Variants in TTC17 observed in about 807,000 individuals in gnomAD.
TTC17 encodes tetratricopeptide repeat protein 17.
Under a neutral mutation model 143.8 loss-of-function variants are expected in TTC17, and 58 were observed. That is an observed-to-expected ratio of 0.40 (90% CI 0.33 to 0.50). The LOEUF (loss-of-function observed/expected upper bound fraction) is 0.50. TTC17 is among the 20% of genes least tolerant of loss of function. The probability of loss-of-function intolerance (pLI) is 0.49; values close to 1 mark genes in which losing one functional copy is unlikely to be tolerated. For missense variants in TTC17, 1,273 were observed against 1,392.5 expected (o/e 0.91, Z 1.37); for synonymous variants, 501 against 497.8 (o/e 1.01, Z -0.09).
chr11:43,401,350 G>T, intron 9 of TTC17, 96 bp from the exon 10 acceptor site: 1 of 732,638 alleles, frequency 1.4e-6, no homozygotes, highest in Non-Finnish European at 2.3e-6. Flanking sequence ...AGGCTCTGAG[G>T]GATACAGGGT....
rs371028219 is a variant in TTC17 at position 43,443,595 on chromosome 11, C to T, written c.2511+11C>T. On this transcript the variant is annotated intron_variant, in intron 17 of 23. Transcript: ENST00000039989. ...GAAGCAACAGAATGGGTAAGTTTGC[C>T]AACTTAATTCTCACAAAATTGTAGC... 637 of 1,596,156 alleles carry T rather than the reference C, an allele frequency of 4.0e-4. 2 individuals carry two copies. Among genetic ancestry groups the T allele is most frequent in the Middle Eastern group, 1.5e-3 (9 of 5,904 alleles).
At chr11:43,361,274 T>G (rs1044226453) in intron 1 of TTC17, among the ~76,000 whole-genome samples, 1 of 152,228 alleles carries the variant, frequency 6.6e-6, no homozygotes, top group Non-Finnish European at 1.5e-5. Context: ...AAAGATCACA[T>G]TAGTGTATGA....
chr11:43,408,316 T>C (rs1347229050), intron 15 of TTC17, among the ~76,000 whole-genome samples: 1 of 152,216 alleles, frequency 6.6e-6, no homozygotes, highest in Non-Finnish European at 1.5e-5. Context: ...GAAAACTGAT[T>C]TTTTAAGGAT....
chr11:43,391,571 T>G lies in TTC17; in HGVS notation c.526T>G (p.Leu176Val). 1 of 1,561,490 alleles carries G rather than the reference T, an allele frequency of 6.4e-7. No individual in the cohort carries two copies. The highest frequency in any genetic ancestry group is 8.6e-7 in the Non-Finnish European group (1 of 1,160,712). ...ATATAGTATACATGCTTTTCAGCAC[T>G]TGAGAGTAAGTAGAGAACTTTAGGA... The part of the protein sequence containing the change: ...LPYSIHAFQH[L>V]RGVQERVNLS... The change falls in exon 4 of 24, where the codon TTG (leucine) becomes GTG (valine). Residue 176 changes from leucine to valine, a missense_variant. Physicochemically the swap from Leu to Val is conservative, Grantham distance 32. Coordinates refer to ENST00000039989, the MANE Select transcript of TTC17 (RefSeq NM_018259.6).
At chr11:43,359,203 G>A (rs1855989106) in intron 1 of TTC17, 90 bp downstream of exon 1, 8 of 1,418,532 alleles carry the variant, frequency 5.6e-6, no homozygotes, top group Non-Finnish European at 7.4e-6. Context: ...GCTCCGCGCG[G>A]CCCCGCCCCC....
At chr11:43,407,281 C>T in intron 14 of TTC17, 66 bp downstream of exon 14, 1 of 1,561,126 alleles carries the variant, frequency 6.4e-7, no homozygotes, top group East Asian at 2.3e-5. Flanking sequence ...AGTTAAAATG[C>T]ACTTATTAAA....
rs938960147 is a variant in TTC17, at chr11:43,403,871, T to C, written c.1333-127T>C. On this transcript the variant is annotated intron_variant, in intron 10 of 23. Transcript: ENST00000039989. ...GTTCTTAAAAGATCCAATTGCTTTA[T>C]TACTGAGCTACTTTCTGATTTTCTA... 4.1e-6 allele frequency: 3 copies of C among 739,656 alleles called. No individual in the cohort carries two copies. In the East Asian group the frequency reaches 8.5e-5, roughly 21 times the overall value. The allele number at this position is 739,656 out of a possible 1,614,324, so 45.8% of individuals were successfully genotyped here.
At chr11:43,445,735 C>A (rs141544954) in intron 18 of TTC17, among the ~76,000 whole-genome samples, 2 of 152,304 alleles carry the variant, frequency 1.3e-5, no homozygotes, top group African/African-American at 4.8e-5. Flanking sequence ...GATTCAAAAA[C>A]CCAATTTTCA....
At chr11:43,408,982 A>G (rs1480490079) in intron 15 of TTC17, among the ~76,000 whole-genome samples, 2 of 151,870 alleles carry the variant, frequency 1.3e-5, no homozygotes, top group Non-Finnish European at 2.9e-5. Context: ...AGCTCAAGCA[A>G]TCCTCCCATC....
At chr11:43,454,130 T>C (rs1172531349) in intron 21 of TTC17, among the ~76,000 whole-genome samples, 1 of 152,190 alleles carries the variant, frequency 6.6e-6, no homozygotes, top group East Asian at 1.9e-4. Flanking sequence ...TAGGAGAATA[T>C]ATGAAAGGTA....
chr11:43,362,185 G>GTGTGTGTT (rs1554981576), intron 1 of TTC17, among the ~76,000 whole-genome samples: 1 of 142,612 alleles, frequency 7.0e-6, no homozygotes. Context: ...GTGTGTGTGT[G>GTGTGTGTT]TGTGTGTGTA....
Position 43,391,490 on chromosome 11 carries a change from TCTC to T in TTC17, c.448_450del (p.Pro150del). 1 of 1,606,226 alleles carries T rather than the reference TCTC, an allele frequency of 6.2e-7. No homozygotes were observed. Among genetic ancestry groups the T allele is most frequent in the Non-Finnish European group, 8.5e-7 (1 of 1,176,324 alleles). The stretch of plus-strand genomic sequence containing the variant: ...TCCTGAAGATTATATAGACACAGAA[TCTC>T]CTGTCCCTCCAGACCCAGAGCAACC... On this transcript the variant is annotated inframe_deletion, in exon 4 of 24. Transcript: ENST00000039989.
In TTC17 at chr11:43,420,404, G is replaced by A. The variant is rs187323500; in HGVS notation, c.2251+5628G>A. Among the ~76,000 whole-genome samples, 650 of 152,220 alleles carry A rather than the reference G, an allele frequency of 4.3e-3. 5 individuals are homozygous for A. The highest frequency in any genetic ancestry group is 6.0e-3 in the Non-Finnish European group (410 of 68,016). The stretch of plus-strand genomic sequence containing the variant: ...TCCCTCAAAAGAGATGCATTTCTAC[G>A]TAAAACATGGATGTAAACTGGATTA... On this transcript the variant is annotated intron_variant, in intron 16 of 23. Coordinates refer to ENST00000039989, the MANE Select transcript of TTC17 (RefSeq NM_018259.6).
chr11:43,391,560 C>G lies in TTC17; in HGVS notation c.515C>G (p.Ala172Gly). 6.4e-7 allele frequency: 1 copy of G among 1,573,362 alleles called. No individual in the cohort carries two copies. Among genetic ancestry groups the G allele is most frequent in the South Asian group, 1.2e-5 (1 of 83,348 alleles). The stretch of plus-strand genomic sequence containing the variant: ...CTAGAACTTCCATATAGTATACATG[C>G]TTTTCAGCACTTGAGAGTAAGTAGA... ...KILELPYSIH[A>G]FQHLRGVQER... is the part of the protein sequence containing the mutation. Residue 172 changes from alanine to glycine, a missense_variant, in exon 4 of 24, where the codon GCT (alanine) becomes GGT (glycine). Ala to Gly is a moderately conservative substitution (Grantham distance 60). This residue lies in a region of TTC17 where 325 missense variants were observed against 444.2 expected (regional missense o/e 0.73). Coordinates refer to ENST00000039989, the MANE Select transcript of TTC17 (RefSeq NM_018259.6).
chr11:43,359,006 G>A lies in TTC17; in HGVS notation c.52G>A (p.Gly18Ser). The A allele has an allele frequency of 1.9e-6, 3 of 1,586,578 alleles. No individual in the cohort carries two copies. The highest frequency in any genetic ancestry group is 2.6e-6 in the Non-Finnish European group (3 of 1,167,352). ...CCGGTACGAGCTGCCGCCTTGCTCC[G>A]GCCCAGGCTGGCTCCTCAGCCTTTC... is the stretch of plus-strand genomic sequence containing the variant. ...RGRYELPPCSGPGWLLSLSAL... is the reference protein window; with the variant it reads ...RGRYELPPCSSPGWLLSLSAL... The change falls in exon 1 of 24, where the codon GGC becomes AGC. Residue 18 changes from glycine (G) to serine (S), a missense_variant. Gly to Ser is a moderately conservative substitution (Grantham distance 56, BLOSUM62 0). Transcript: ENST00000039989.
chr11:43,371,675 G>A (rs1856574225), intron 1 of TTC17, among the ~76,000 whole-genome samples: 1 of 152,254 alleles, frequency 6.6e-6, no homozygotes, highest in Non-Finnish European at 1.5e-5. Context: ...AGAGGTTAAG[G>A]GGTGGGGCTG....
At chr11:43,363,258 A>G (rs1404148049) in intron 1 of TTC17, among the ~76,000 whole-genome samples, 1 of 152,116 alleles carries the variant, frequency 6.6e-6, no homozygotes, top group African/African-American at 2.4e-5. Flanking sequence ...GGCAATATCT[A>G]CTTTCTGTAT....
intron 16 of TTC17, among the ~76,000 whole-genome samples, chr11:43,432,945 A>G (rs550274285): frequency 6.6e-6 from 1 of 152,268 alleles, no homozygotes; most frequent in African/African-American, 2.4e-5. Context: ...TGCAAATCAC[A>G]TCAAAACCCT....
chr11:43,462,921 C>CTTTTTTTTTTTTTTTTTTTTTTTTTTT lies in TTC17; in HGVS notation c.3030+11668_3030+11669insTTTTTTTTTTTTTTTTTTTTTTTTTTT, dbSNP rs562594929. 5.0e-3 allele frequency among the ~76,000 whole-genome samples: 593 copies of CTTTTTTTTTTTTTTTTTTTTTTTTTTT among 117,666 alleles called. 132 individuals are homozygous for CTTTTTTTTTTTTTTTTTTTTTTTTTTT. Among genetic ancestry groups the CTTTTTTTTTTTTTTTTTTTTTTTTTTT allele is most frequent in the African/African-American group, 0.023 (569 of 24,686 alleles). The allele number at this position is 117,666 out of a possible 152,430, so 77.2% of individuals were successfully genotyped here. ...CACTGAATCCAGCAGTGACAAAATT[C>CTTTTTTTTTTTTTTTTTTTTTTTTTTT]TTTTTTTTTTTTGAGACAGAGTCTC... On this transcript the variant is annotated intron_variant, in intron 21 of 23. Coordinates refer to ENST00000039989, the MANE Select transcript of TTC17 (RefSeq NM_018259.6).
Sources: gnomAD v4.1 joint callset for allele counts (sites outside exome capture counted in the v4.1 genomes callset) on GRCh38, gnomAD v4.1.1 for gene constraint, gnomAD v4.1.1 regional missense constraint, MANE v1.5 for transcripts, NCBI Gene and HGNC (gene_info 2026-07-23, HGNC 2026-07-21) for gene names.